DNAJC8: variants seen among roughly 807,000 people sequenced by gnomAD.
DNAJC8 encodes the protein DnaJ heat shock protein family (Hsp40) member C8.
Under a neutral mutation model 43.2 loss-of-function variants are expected in DNAJC8, and 24 were observed. The observed-to-expected ratio is 0.56, with a 90% CI of 0.40 to 0.78. The LOEUF is 0.78. DNAJC8 is among the 30% of genes least tolerant of loss of function. DNAJC8 has a pLI of 0.00. For synonymous variants in DNAJC8, 83 were observed against 98.0 expected (o/e 0.85, Z 0.90); for missense variants, 207 against 299.4 (o/e 0.69, Z 2.28).
At chr1:28,204,535 C>T (rs1328756456) in intron 7 of DNAJC8, among the ~76,000 whole-genome samples, 1 of 152,102 alleles carries the variant, frequency 6.6e-6, no homozygotes, top group African/African-American at 2.4e-5. Context: ...GAAATTCTAA[C>T]ATTTCTGATG....
chr1:28,205,576 C>CA (rs1412350955), intron 6 of DNAJC8, among the ~76,000 whole-genome samples: 4 of 152,068 alleles, frequency 2.6e-5, no homozygotes, highest in African/African-American at 7.2e-5. Flanking sequence ...TCTATTGCTA[C>CA]AAAAAAATTT....
chr1:28,201,543 C>A (rs1181135012), intron 8 of DNAJC8, among the ~76,000 whole-genome samples, 173 bp from the exon 9 acceptor site: 1 of 152,162 alleles, frequency 6.6e-6, no homozygotes, highest in African/African-American at 2.4e-5. Flanking sequence ...AATCCCAGCA[C>A]TTCGGGAGGC....
intron 2 of DNAJC8, among the ~76,000 whole-genome samples, chr1:28,217,602 C>G (rs111300134): frequency 6.6e-6 from 1 of 151,880 alleles, no homozygotes; most frequent in Non-Finnish European, 1.5e-5. Context: ...GATTTACAGA[C>G]GAGGGGCTGT....
Position 28,232,938 on chromosome 1 carries a change from T to A in DNAJC8, c.61A>T (p.Met21Leu), listed in dbSNP as rs772287428. The A allele has an allele frequency of 6.2e-7, 1 of 1,613,362 alleles. No individual in the cohort carries two copies. Among genetic ancestry groups the A allele is most frequent in the Non-Finnish European group, 8.5e-7 (1 of 1,180,022 alleles). ...GTGTTCACCTCACTGTAGAAGGTCA[T>A]AAATGCTTCCTCGGTGCTGCCTCCG... ...GGGGSTEEAF[M>L]TFYSEVKQIE... Residue 21 changes from methionine (M) to leucine (L), a missense_variant, in exon 1 of 9, where the codon ATG becomes TTG. Transcript: ENST00000263697.
At chr1:28,207,694 G>A (rs892751422) in intron 6 of DNAJC8, among the ~76,000 whole-genome samples, 6 of 147,814 alleles carry the variant, frequency 4.1e-5, no homozygotes, top group East Asian at 2.3e-4. Flanking sequence ...CACCCGCCAC[G>A]GCCTCCCAAA....
At chr1:28,227,179 C>T (rs1205093564) in intron 2 of DNAJC8, among the ~76,000 whole-genome samples, 1 of 139,270 alleles carries the variant, frequency 7.2e-6, no homozygotes, top group Non-Finnish European at 1.5e-5. Context: ...GAGGCCGCGA[C>T]AGGTGGATCG....
chr1:28,221,043 T>A (rs867325661), intron 2 of DNAJC8, among the ~76,000 whole-genome samples: 3 of 151,356 alleles, frequency 2.0e-5, no homozygotes, highest in Non-Finnish European at 4.4e-5. Flanking sequence ...ATCTTCTGCT[T>A]GAAAAAGGAA....
intron 2 of DNAJC8, among the ~76,000 whole-genome samples, chr1:28,227,529 G>A (rs1348717639): frequency 7.0e-6 from 1 of 142,644 alleles, no homozygotes; most frequent in Non-Finnish European, 1.6e-5. Flanking sequence ...GAGTTCAAGG[G>A]TGCAGTAAGC....
At chr1:28,213,620 C>T (rs931046394) in intron 3 of DNAJC8, among the ~76,000 whole-genome samples, 1 of 151,940 alleles carries the variant, frequency 6.6e-6, no homozygotes, top group African/African-American at 2.4e-5. Flanking sequence ...ATATGAAGTA[C>T]ATAAGACTAT....
Position 28,200,402 on chromosome 1 carries a change from T to G in DNAJC8, c.*846A>C, listed in dbSNP as rs148276460. ...TACCTTGTATATGCCATGGCAAATC[T>G]GCCCTAAAAGCTGCTGCAGTAATTC... On this transcript the variant is annotated 3_prime_UTR_variant, in exon 9 of 9. Transcript: ENST00000263697. 137 of 446,220 alleles carry G rather than the reference T, an allele frequency of 3.1e-4. No individual in the cohort carries two copies. The East Asian group carries it at 8.6e-3, about 28-fold the overall frequency. 27.6% of individuals were successfully genotyped at this position (446,220 alleles called of 1,614,324 possible).
intron 1 of DNAJC8, 129 bp from the exon 2 acceptor site, chr1:28,229,152 T>C: frequency 1.3e-6 from 1 of 758,000 alleles, no homozygotes; most frequent in Non-Finnish European, 2.1e-6. Flanking sequence ...GACATTTTGC[T>C]AAATGCTTTG....
At chr1:28,203,683 AGC>A in intron 8 of DNAJC8, 62 bp downstream of exon 8, 1 of 1,497,446 alleles carries the variant, frequency 6.7e-7, no homozygotes, top group Non-Finnish European at 9.3e-7. Context: ...CAGTCCTGGG[AGC>A]GCCACAGGAA....
intron 2 of DNAJC8, among the ~76,000 whole-genome samples, chr1:28,215,582 G>T (rs1429233341): frequency 1.3e-5 from 2 of 151,574 alleles, no homozygotes; most frequent in Non-Finnish European, 2.9e-5. Flanking sequence ...TTATTGCCCA[G>T]GCTGGAGTGC....
intron 2 of DNAJC8, among the ~76,000 whole-genome samples, chr1:28,219,422 T>C (rs536497078): frequency 6.6e-6 from 1 of 152,158 alleles, no homozygotes; most frequent in African/African-American, 2.4e-5. Flanking sequence ...GGCAAGAGAA[T>C]GGCATGAACC....
At chr1:28,217,813 G>A (rs1646869518) in intron 2 of DNAJC8, among the ~76,000 whole-genome samples, 1 of 151,912 alleles carries the variant, frequency 6.6e-6, no homozygotes, top group South Asian at 2.1e-4. Flanking sequence ...CATAAACCCT[G>A]ATTGATTTCT....
At chr1:28,212,170 T>TAAGTAA (rs1314233756) in intron 3 of DNAJC8, among the ~76,000 whole-genome samples, 1 of 23,726 alleles carries the variant, frequency 4.2e-5, no homozygotes, top group Non-Finnish European at 8.3e-5. Context: ...AATAAATAAA[T>TAAGTAA]ATATATATAT....
chr1:28,232,022 T>A (rs1254424418), intron 1 of DNAJC8, among the ~76,000 whole-genome samples: 2 of 152,268 alleles, frequency 1.3e-5, no homozygotes, highest in East Asian at 3.9e-4. Flanking sequence ...CCCAAAGTGC[T>A]GGGATTACAG....
chr1:28,215,572 T>C (rs1010015866), intron 2 of DNAJC8, among the ~76,000 whole-genome samples: 5 of 151,984 alleles, frequency 3.3e-5, no homozygotes, highest in African/African-American at 1.2e-4. Context: ...AGTCTCGCTC[T>C]TATTGCCCAG....
At chr1:28,209,271 A>T (rs983124723) in intron 5 of DNAJC8, among the ~76,000 whole-genome samples, 4 of 152,158 alleles carry the variant, frequency 2.6e-5, no homozygotes, top group Non-Finnish European at 5.9e-5. Flanking sequence ...TATTATGGTT[A>T]TAAAGTTGTC....
Sources: allele counts gnomAD v4.1 joint callset (sites outside exome capture counted in the v4.1 genomes callset), GRCh38; gene constraint gnomAD v4.1.1; transcripts MANE v1.5; gene names NCBI Gene and HGNC (gene_info 2026-07-23, HGNC 2026-07-21).